DYNC2H1: variants seen among roughly 807,000 people sequenced by gnomAD.
The protein encoded by DYNC2H1 is dynein cytoplasmic 2 heavy chain 1.
Under a neutral mutation model 570.0 loss-of-function variants are expected in DYNC2H1, and 410 were observed. The observed-to-expected ratio is 0.72, with a 90% CI of 0.66 to 0.78. The LOEUF (loss-of-function observed/expected upper bound fraction) is 0.78. Among genes scored for constraint, DYNC2H1 ranks in the 30% least tolerant of loss-of-function variants. The pLI is 0.00. For synonymous variants in DYNC2H1, 1,688 were observed against 1,677.6 expected (o/e 1.01, Z -0.15); for missense variants, 4,865 against 5,046.4 (o/e 0.96, Z 1.09).
chr11:103,274,242 C>A (rs1167441727), intron 70 of DYNC2H1, among the ~76,000 whole-genome samples: 2 of 151,848 alleles, frequency 1.3e-5, no homozygotes, highest in East Asian at 3.9e-4. Context: ...TACATGTAAT[C>A]TCAGCACTTT....
At chr11:103,208,316 A>C (rs1179312841) in intron 52 of DYNC2H1, among the ~76,000 whole-genome samples, 1 of 152,158 alleles carries the variant, frequency 6.6e-6, no homozygotes, top group Non-Finnish European at 1.5e-5. Context: ...TATTTGTGGA[A>C]TGAAGAAATG....
chr11:103,136,617 G>A (rs1859571346), intron 17 of DYNC2H1, among the ~76,000 whole-genome samples: 1 of 152,106 alleles, frequency 6.6e-6, no homozygotes, highest in South Asian at 2.1e-4. Context: ...TCTTAATCAA[G>A]TCTATCATTG....
intron 79 of DYNC2H1, 33 bp downstream of exon 79, chr11:103,312,066 GC>G: frequency 1.3e-6 from 2 of 1,574,154 alleles, no homozygotes; most frequent in South Asian, 2.4e-5. Flanking sequence ...TACATTCTAA[GC>G]TTTATATTTT....
intron 83 of DYNC2H1, among the ~76,000 whole-genome samples, chr11:103,359,906 C>T (rs2135529737): frequency 6.6e-6 from 1 of 152,144 alleles, no homozygotes; most frequent in East Asian, 1.9e-4. Flanking sequence ...GTCAGGTGGT[C>T]CACCTGCCTC....
rs1861699491 is a variant in DYNC2H1, at chr11:103,174,190, A to G, written c.5674+20A>G. The G allele has an allele frequency of 1.5e-5, 22 of 1,497,418 alleles. No homozygotes were observed. The highest frequency in any genetic ancestry group is 2.0e-5 in the Non-Finnish European group (22 of 1,104,326). The allele number at this position is 1,497,418 out of a possible 1,614,324, so 92.8% of individuals were successfully genotyped here. ...AGAATGGTATGATTGATTATTCCAA[A>G]TACATTAACTTATTTTTAAAAACAT... On this transcript the variant is annotated intron_variant, in intron 36 of 88. Transcript: ENST00000375735.
intron 82 of DYNC2H1, among the ~76,000 whole-genome samples, chr11:103,353,152 G>A (rs1380265663): frequency 6.6e-6 from 1 of 152,154 alleles, no homozygotes; most frequent in Non-Finnish European, 1.5e-5. Flanking sequence ...GTCAGGACTT[G>A]GGGGAAGGAG....
chr11:103,432,979 ACTTC>A (rs751820028), intron 84 of DYNC2H1, among the ~76,000 whole-genome samples: 1 of 152,108 alleles, frequency 6.6e-6, no homozygotes, highest in African/African-American at 2.4e-5. Flanking sequence ...TTTTTTAAAG[ACTTC>A]CTTGATTGAA....
intron 47 of DYNC2H1, among the ~76,000 whole-genome samples, chr11:103,195,788 A>G (rs1862488335): frequency 6.6e-6 from 1 of 152,046 alleles, no homozygotes; most frequent in Admixed American, 6.6e-5. Flanking sequence ...TAATCCCTCT[A>G]TTTATTTAGA....
At chr11:103,387,940 G>A (rs1694441183) in intron 83 of DYNC2H1, among the ~76,000 whole-genome samples, 1 of 152,200 alleles carries the variant, frequency 6.6e-6, no homozygotes, top group Non-Finnish European at 1.5e-5. Context: ...GTAGTGTGAT[G>A]CCTCCAGCTT....
chr11:103,127,670 G>T (rs1040725834), intron 12 of DYNC2H1, among the ~76,000 whole-genome samples: 15 of 152,176 alleles, frequency 9.9e-5, no homozygotes, highest in African/African-American at 3.6e-4. Flanking sequence ...GTGTCCACTT[G>T]ATCTTATTCC....
intron 77 of DYNC2H1, among the ~76,000 whole-genome samples, chr11:103,306,914 A>G (rs1017351770): frequency 6.6e-6 from 1 of 152,188 alleles, no homozygotes; most frequent in Non-Finnish European, 1.5e-5. Context: ...GAAGAGACAG[A>G]TCACATTAAT....
chr11:103,111,824 C>T (rs1858129964), intron 1 of DYNC2H1, among the ~76,000 whole-genome samples: 1 of 152,016 alleles, frequency 6.6e-6, no homozygotes, highest in Non-Finnish European at 1.5e-5. Flanking sequence ...ACTTTAGTTG[C>T]CTGATAGTTA....
intron 82 of DYNC2H1, among the ~76,000 whole-genome samples, chr11:103,327,115 A>G (rs2135451916): frequency 6.6e-6 from 1 of 152,168 alleles, no homozygotes; most frequent in Admixed American, 6.5e-5. Flanking sequence ...TAAGGCACAC[A>G]GGGTTCCAGC....
In DYNC2H1 at chr11:103,189,574, C is replaced by A. The variant is rs1862213237; in HGVS notation, c.7293-98C>A. The A allele has an allele frequency of 8.4e-7, 1 of 1,184,030 alleles. No individual in the cohort carries two copies. The highest frequency in any genetic ancestry group is 1.2e-6 in the Non-Finnish European group (1 of 831,974). 73.3% of individuals were successfully genotyped at this position (1,184,030 alleles called of 1,614,324 possible). On this transcript the variant is annotated intron_variant, in intron 44 of 88. Coordinates refer to ENST00000375735, the MANE Select transcript of DYNC2H1 (RefSeq NM_001377.3). This position sits in a 1 kb window ranked among gnomAD's most constrained non-coding sequence, Gnocchi z 4.3. Reference sequence around the variant, plus strand: ...CTTTGGAGATATGTAGGTCTTAGAGCAGCACAGTTTCAAAACCACTGTTGT... The same window carrying A: ...CTTTGGAGATATGTAGGTCTTAGAGAAGCACAGTTTCAAAACCACTGTTGT...
At chr11:103,358,210 T>C in intron 82 of DYNC2H1, 33 bp from the exon 83 acceptor site, 2 of 1,300,440 alleles carry the variant, frequency 1.5e-6, no homozygotes, top group Non-Finnish European at 2.1e-6. Context: ...GAAGTTCTTT[T>C]TATTTGTTGA....
chr11:103,409,496 G>A (rs975693442), intron 84 of DYNC2H1: 1 of 152,142 alleles, frequency 6.6e-6, no homozygotes. Flanking sequence ...CTCTCTGGAG[G>A]AAGGTTATTT....
At chr11:103,353,085 G>C (rs1940131172) in intron 82 of DYNC2H1, among the ~76,000 whole-genome samples, 1 of 152,114 alleles carries the variant, frequency 6.6e-6, no homozygotes, top group Non-Finnish European at 1.5e-5. Flanking sequence ...TTCATAAGTG[G>C]GAGTTGATCA....
rs564986082 is a variant in DYNC2H1 at position 103,122,852 on chromosome 11, G to T, written c.1513G>T (p.Ala505Ser). 18 of 1,613,016 alleles carry T rather than the reference G, an allele frequency of 1.1e-5. No homozygotes were observed. In the East Asian group the frequency reaches 3.1e-4, roughly 28 times the overall value. Residue 505 changes from alanine to serine, a missense_variant, in exon 11 of 89, where the codon GCT becomes TCT. By Grantham distance (99) the Ala-to-Ser change is moderately conservative. This residue lies in a region of DYNC2H1 where 1,936 missense variants were observed against 1,962.1 expected (regional missense o/e 0.99). Coordinates refer to ENST00000375735, the MANE Select transcript of DYNC2H1 (RefSeq NM_001377.3). The stretch of plus-strand genomic sequence containing the variant: ...AGATGATACTATCAAGATTGCAGAG[G>T]CTCTTTTATCTGACTTGCCAGGATT... ...KVDDTIKIAE[A>S]LLSDLPGFRC...
chr11:103,455,273 G>C lies in DYNC2H1; in HGVS notation c.12544G>C (p.Ala4182Pro), dbSNP rs1309471150. 6.2e-7 allele frequency: 1 copy of C among 1,613,242 alleles called. No individual in the cohort carries two copies. The highest frequency in any genetic ancestry group is 1.3e-5 in the African/African-American group (1 of 74,936). Reference protein sequence around the residue: ...ELFHPDTFLNALRQETARAVG... With the variant: ...ELFHPDTFLNPLRQETARAVG... Reference sequence around the variant, plus strand: ...TTTCCATCCAGACACATTTCTTAATGCTCTTCGCCAGGAAACTGCAAGGTA... The same window carrying C: ...TTTCCATCCAGACACATTTCTTAATCCTCTTCGCCAGGAAACTGCAAGGTA... The change falls in exon 86 of 89, where the codon GCT becomes CCT. Residue 4182 changes from alanine (A) to proline (P), a missense_variant. Physicochemically the swap from Ala to Pro is conservative, Grantham distance 27. This residue lies in a region of DYNC2H1 where 2,401 missense variants were observed against 2,454.6 expected (regional missense o/e 0.98). Coordinates refer to ENST00000375735, the MANE Select transcript of DYNC2H1 (RefSeq NM_001377.3).
Sources: allele counts gnomAD v4.1 joint callset (sites outside exome capture counted in the v4.1 genomes callset), GRCh38; gene constraint gnomAD v4.1.1; regional missense constraint gnomAD v4.1.1; non-coding constraint Gnocchi (gnomAD v3.1); transcripts MANE v1.5; gene names NCBI Gene and HGNC (gene_info 2026-07-23, HGNC 2026-07-21).